Variants in SVEP1 observed in about 807,000 individuals in gnomAD.
SVEP1 encodes the protein sushi, von Willebrand factor type A, EGF and pentraxin domain-containing protein 1.
A neutral mutation model predicts 367.3 loss-of-function variants in SVEP1; 164 were observed. The observed-to-expected ratio is 0.45, with a 90% confidence interval of 0.39 to 0.51. The LOEUF is 0.51. SVEP1 is among the 20% of genes least tolerant of loss of function. The pLI, the probability that SVEP1 is intolerant of heterozygous loss-of-function variation, is 0.00. For synonymous variants in SVEP1, 1,666 were observed against 1,611.6 expected (o/e 1.03, Z -0.81); for missense variants, 4,117 against 4,425.3 (o/e 0.93, Z 1.98).
intron 8 of SVEP1, among the ~76,000 whole-genome samples, chr9:110,491,797 A>C (rs534829172): frequency 6.6e-6 from 1 of 152,050 alleles, no homozygotes; most frequent in African/African-American, 2.4e-5. Flanking sequence ...ACGAATCATC[A>C]GTGTTCCTAA....
chr9:110,491,670 C>T (rs992759775), intron 8 of SVEP1, among the ~76,000 whole-genome samples: 1 of 150,518 alleles, frequency 6.6e-6, no homozygotes, highest in Non-Finnish European at 1.5e-5. Context: ...CAGGAAATTA[C>T]ATCAGGGATA....
chr9:110,510,214 T>C (rs1829686381), intron 5 of SVEP1, among the ~76,000 whole-genome samples: 1 of 152,200 alleles, frequency 6.6e-6, no homozygotes, highest in Non-Finnish European at 1.5e-5. Flanking sequence ...GTAAAGCTTC[T>C]CTTAGACCTT....
intron 40 of SVEP1, among the ~76,000 whole-genome samples, chr9:110,398,233 A>C (rs1182720250): frequency 3.9e-5 from 6 of 152,130 alleles, no homozygotes; most frequent in Non-Finnish European, 4.4e-5. Flanking sequence ...CAAAAACAAG[A>C]AATGGGGAAA....
At chr9:110,433,910 T>C (rs1051077942) in intron 30 of SVEP1, among the ~76,000 whole-genome samples, 2 of 152,200 alleles carry the variant, frequency 1.3e-5, no homozygotes, top group African/African-American at 4.8e-5. Context: ...TACATAAGAA[T>C]AGGAGCTTTT....
At chr9:110,443,261 C>G in intron 27 of SVEP1, 1 of 303,506 alleles carries the variant, frequency 3.3e-6, no homozygotes, top group Non-Finnish European at 6.0e-6. Flanking sequence ...AGTAATTAAT[C>G]TCCTTAGAAG....
chr9:110,550,345 G>A, intron 1 of SVEP1, among the ~76,000 whole-genome samples: 1 of 152,134 alleles, frequency 6.6e-6, no homozygotes, highest in East Asian at 1.9e-4. Context: ...ATTGCTGATG[G>A]AGCTTGCTAA....
At chr9:110,412,683 T>C (rs62569911) in intron 36 of SVEP1, among the ~76,000 whole-genome samples, 11 of 109,328 alleles carry the variant, frequency 1.0e-4, no homozygotes, top group Non-Finnish European at 1.8e-4. Flanking sequence ...ACAATGAACT[T>C]AAACAAATTT....
intron 40 of SVEP1, among the ~76,000 whole-genome samples, chr9:110,396,694 C>T (rs1212584775): frequency 1.4e-5 from 1 of 72,108 alleles, no homozygotes; most frequent in African/African-American, 5.8e-5. Context: ...ATACAAACTA[C>T]CATCAGAATA....
At chr9:110,389,751 GTATT>G (rs536381864) in intron 40 of SVEP1, among the ~76,000 whole-genome samples, 164 bp from the exon 41 acceptor site, 1 of 152,024 alleles carries the variant, frequency 6.6e-6, no homozygotes, top group Non-Finnish European at 1.5e-5. Context: ...TCCTTAAACT[GTATT>G]TATTTATCAA....
Position 110,443,527 on chromosome 9 carries a change from C to T in SVEP1, c.4639+18G>A, listed in dbSNP as rs1429369310. 3.2e-6 allele frequency: 5 copies of T among 1,577,748 alleles called. No individual in the cohort carries two copies. The highest frequency in any genetic ancestry group is 3.4e-6 in the Non-Finnish European group (4 of 1,160,356). On this transcript the variant is annotated intron_variant, in intron 27 of 47. Transcript: ENST00000374469. ...CTCTAGAGTCCAACAGAATTATACT[C>T]ATTTTGTTAAAACATACCAGGTATG...
chr9:110,455,675 C>T lies in SVEP1; in HGVS notation c.3702G>A (p.Glu1234=), dbSNP rs1828766661. The change falls in exon 22 of 48, where the codon GAG becomes GAA. Residue 1234 remains glutamate (E), a synonymous_variant. Transcript: ENST00000374469. ...TGLKCETDID[E]CSPLPCLNNG... ...TGTTGAGGCAAGGCAGTGGGCTGCACTCATCGATGTCTGTTTCACACTTTA... is the reference window on the plus strand; with the variant it reads ...TGTTGAGGCAAGGCAGTGGGCTGCATTCATCGATGTCTGTTTCACACTTTA... 1 of 1,612,366 alleles carries T rather than the reference C, an allele frequency of 6.2e-7. No homozygotes were observed. Among genetic ancestry groups the T allele is most frequent in the African/African-American group, 1.3e-5 (1 of 74,896 alleles).
intron 18 of SVEP1, among the ~76,000 whole-genome samples, chr9:110,462,260 A>G (rs1170299194): frequency 6.6e-6 from 1 of 152,132 alleles, no homozygotes; most frequent in East Asian, 1.9e-4. Context: ...ATAAAATACT[A>G]ACATTAAAAA....
intron 46 of SVEP1, among the ~76,000 whole-genome samples, chr9:110,370,307 T>C (rs1003807869): frequency 6.6e-6 from 1 of 152,148 alleles, no homozygotes; most frequent in Non-Finnish European, 1.5e-5. Flanking sequence ...ATTTTCCTCT[T>C]CTCTAATCTC....
rs1827966749 is a variant in SVEP1, at chr9:110,407,046, G to C, written c.8554C>G (p.Gln2852Glu). Residue 2852 changes from glutamine (Q) to glutamate (E), a missense_variant, in exon 38 of 48, where the codon CAA becomes GAA. By Grantham distance (29) the Gln-to-Glu change is conservative. This residue lies in a region of SVEP1 where 1,765 missense variants were observed against 1,781.1 expected (regional missense o/e 0.99). Coordinates refer to ENST00000374469, the MANE Select transcript of SVEP1 (RefSeq NM_153366.4). Reference protein sequence around the residue: ...GQVRGDEYTFQKEIEYTCNEG... With the variant: ...GQVRGDEYTFEKEIEYTCNEG... ...TTGCAAGTGTATTCAATCTCTTTTT[G>C]GAATGTGTACTCGTCTCCTCTCACC... The C allele has an allele frequency of 6.2e-7, 1 of 1,613,766 alleles. No homozygotes were observed. Among genetic ancestry groups the C allele is most frequent in the East Asian group, 2.2e-5 (1 of 44,880 alleles).
intron 3 of SVEP1, among the ~76,000 whole-genome samples, chr9:110,516,968 A>C (rs1266045178): frequency 1.3e-5 from 2 of 152,204 alleles, no homozygotes; most frequent in Admixed American, 1.3e-4. Context: ...AAGGAAATTA[A>C]GATACTCATA....
intron 40 of SVEP1, among the ~76,000 whole-genome samples, chr9:110,391,965 G>A (rs963653235): frequency 1.3e-5 from 2 of 151,602 alleles, no homozygotes; most frequent in African/African-American, 4.9e-5. Context: ...ACTTGAGTTG[G>A]GACTCATCTC....
rs541510488 is a variant in SVEP1 at position 110,410,869 on chromosome 9, A to C, written c.6648+194T>G. Among the ~76,000 whole-genome samples, 6 of 152,344 alleles carry C rather than the reference A, an allele frequency of 3.9e-5. No individual in the cohort carries two copies. In the South Asian group the frequency reaches 1.2e-3, roughly 32 times the overall value. ...TTCACAACCTTAGGCAGATGAATTA[A>C]TTCATCAAGAGATGAATTAATTATG... On this transcript the variant is annotated intron_variant, in intron 37 of 47. Coordinates refer to ENST00000374469, the MANE Select transcript of SVEP1 (RefSeq NM_153366.4).
intron 46 of SVEP1, among the ~76,000 whole-genome samples, chr9:110,373,105 G>T (rs1307249510): frequency 6.6e-6 from 1 of 152,182 alleles, no homozygotes; most frequent in African/African-American, 2.4e-5. Flanking sequence ...AGATGAAAGG[G>T]AGGGTGAGTC....
intron 41 of SVEP1, 31 bp from the exon 42 acceptor site, chr9:110,387,489 T>C: frequency 6.4e-7 from 1 of 1,554,828 alleles, no homozygotes; most frequent in Non-Finnish European, 8.6e-7. Flanking sequence ...CTCATATTAA[T>C]TGCTTCCCCA....
Sources: allele counts gnomAD v4.1 joint callset (sites outside exome capture counted in the v4.1 genomes callset), GRCh38; gene constraint gnomAD v4.1.1; regional missense constraint gnomAD v4.1.1; transcripts MANE v1.5; gene names NCBI Gene and HGNC (gene_info 2026-07-23, HGNC 2026-07-21).